Variants in AKAP1 observed in about 807,000 individuals in gnomAD.
AKAP1 encodes the protein A-kinase anchor protein 1, mitochondrial.
AKAP1 carries 32 observed loss-of-function variants against 79.8 expected under a neutral mutation model. The observed-to-expected ratio is 0.40, with a 90% CI of 0.30 to 0.54. The LOEUF (loss-of-function observed/expected upper bound fraction) is 0.54, where lower values mean the gene tolerates loss of function less well. Ranked by LOEUF, AKAP1 falls within the 20% of genes least tolerant of loss-of-function variation. AKAP1 has a pLI of 0.47. For synonymous variants in AKAP1, 416 were observed against 466.7 expected (o/e 0.89, Z 1.40); for missense variants, 961 against 1,138.9 (o/e 0.84, Z 2.25).
intron 1 of AKAP1, among the ~76,000 whole-genome samples, chr17:57,104,223 G>A (rs1244229412): frequency 6.6e-6 from 1 of 152,162 alleles, no homozygotes; most frequent in Non-Finnish European, 1.5e-5. Flanking sequence ...GCTTCCCAAA[G>A]TGCTGGGATT....
At chr17:57,090,325 T>TCTCA (rs56089554) in intron 1 of AKAP1, among the ~76,000 whole-genome samples, 1 of 151,122 alleles carries the variant, frequency 6.6e-6, no homozygotes, top group African/African-American at 2.4e-5. Flanking sequence ...CTTTTTTTTT[T>TCTCA]CTGTGTCATT....
At position 57,114,841 on chromosome 17, in the gene AKAP1, A is replaced by G. The variant is rs112461714; in HGVS notation, c.2281+205A>G. Among the ~76,000 whole-genome samples, 492 of 152,004 alleles carry G rather than the reference A, an allele frequency of 3.2e-3. 3 individuals carry two copies. The highest frequency in any genetic ancestry group is 9.0e-3 in the African/African-American group (375 of 41,446). On this transcript the variant is annotated intron_variant, in intron 6 of 10. Transcript: ENST00000337714. ...CTGGCAGAGTGATGGGTGTTGGAGTAGAGTTTTGACACAGGGATTCAGATC... is the reference window on the plus strand; with the variant it reads ...CTGGCAGAGTGATGGGTGTTGGAGTGGAGTTTTGACACAGGGATTCAGATC...
intron 5 of AKAP1, among the ~76,000 whole-genome samples, chr17:57,113,129 C>T (rs1292435160): frequency 1.3e-5 from 2 of 152,278 alleles, no homozygotes; most frequent in South Asian, 4.1e-4. Flanking sequence ...CCACCAGGCC[C>T]GGAAGTCCAG....
chr17:57,114,784 T>C, intron 6 of AKAP1, 148 bp downstream of exon 6: 1 of 937,522 alleles, frequency 1.1e-6, no homozygotes, highest in Non-Finnish European at 1.6e-6. Flanking sequence ...GGGGTGGGTT[T>C]CCTGGCAAGG....
intron 6 of AKAP1, 116 bp from the exon 7 acceptor site, chr17:57,115,995 A>G: frequency 8.0e-7 from 1 of 1,250,864 alleles, no homozygotes; most frequent in Non-Finnish European, 1.1e-6. Flanking sequence ...TGTCCCCTGC[A>G]CTGTGGAGGT....
chr17:57,102,650 T>C (rs1914596889), intron 1 of AKAP1, among the ~76,000 whole-genome samples: 1 of 151,660 alleles, frequency 6.6e-6, no homozygotes, highest in Non-Finnish European at 1.5e-5. Context: ...TTTTTTTGTA[T>C]TTTTAGTAGA....
chr17:57,090,638 A>C (rs1913731666), intron 1 of AKAP1, among the ~76,000 whole-genome samples: 1 of 152,060 alleles, frequency 6.6e-6, no homozygotes, highest in Non-Finnish European at 1.5e-5. Flanking sequence ...CCTCGTTACA[A>C]CTCTGTGAGG....
intron 8 of AKAP1, 105 bp downstream of exon 8, chr17:57,117,032 G>C: frequency 8.4e-7 from 1 of 1,193,086 alleles, no homozygotes; most frequent in Non-Finnish European, 1.2e-6. Context: ...GCTAACATAA[G>C]TTGCTACCAC....
At chr17:57,113,982 C>T (rs1915418994) in intron 5 of AKAP1, among the ~76,000 whole-genome samples, 1 of 152,132 alleles carries the variant, frequency 6.6e-6, no homozygotes, top group Non-Finnish European at 1.5e-5. Flanking sequence ...GTCTGCCAGT[C>T]CACAGGAGTT....
At chr17:57,099,920 T>C (rs1914379767) in intron 1 of AKAP1, among the ~76,000 whole-genome samples, 1 of 152,134 alleles carries the variant, frequency 6.6e-6, no homozygotes. Context: ...TCTACCTCAC[T>C]GTAGTATAGC....
chr17:57,112,418 C>A lies in AKAP1; in HGVS notation c.1976-73C>A. Reference sequence around the variant, plus strand: ...AAGTCCAGTGGAGTGGGGTCTGTGGCTGTGTTTTTGTGAGTGTGGGTGTGA... The same window carrying A: ...AAGTCCAGTGGAGTGGGGTCTGTGGATGTGTTTTTGTGAGTGTGGGTGTGA... On this transcript the variant is annotated intron_variant, in intron 4 of 10. Transcript: ENST00000337714. 3.2e-6 allele frequency: 5 copies of A among 1,555,860 alleles called. No individual in the cohort carries two copies. In the South Asian group the frequency reaches 6.1e-5, roughly 19 times the overall value.
intron 6 of AKAP1, among the ~76,000 whole-genome samples, chr17:57,114,926 T>C (rs1342960226): frequency 6.6e-6 from 1 of 151,614 alleles, no homozygotes; most frequent in Non-Finnish European, 1.5e-5. Flanking sequence ...TCAAAGCCAG[T>C]GTCATAGTAT....
chr17:57,108,905 C>T (rs1174831306), intron 2 of AKAP1, among the ~76,000 whole-genome samples: 3 of 152,214 alleles, frequency 2.0e-5, no homozygotes, highest in Non-Finnish European at 4.4e-5. Flanking sequence ...CGCCCCCTCG[C>T]CCAGCCCCTG....
chr17:57,106,872 C>T lies in AKAP1; in HGVS notation c.1408C>T (p.Pro470Ser), dbSNP rs754433141. 1 of 1,613,766 alleles carries T rather than the reference C, an allele frequency of 6.2e-7. No individual in the cohort carries two copies. Among genetic ancestry groups the T allele is most frequent in the African/African-American group, 1.3e-5 (1 of 74,914 alleles). The change falls in exon 2 of 11, where the codon CCC becomes TCC. Residue 470 changes from proline (P) to serine (S), a missense_variant. Around this residue, in one of 3 missense-constraint regions of AKAP1, gnomAD observed 629 missense variants for 781.1 expected, o/e 0.81. Coordinates refer to ENST00000337714, the MANE Select transcript of AKAP1 (RefSeq NM_003488.4). Reference sequence around the variant, plus strand: ...GGCCTCCTGCCTGGCACTGACCACCCCCAGTGAAGAGTTGCCGGACCGGGC... The same window carrying T: ...GGCCTCCTGCCTGGCACTGACCACCTCCAGTGAAGAGTTGCCGGACCGGGC... ...SLASCLALTT[P>S]SEELPDRAGI...
rs1015532362 is a variant in AKAP1, at chr17:57,120,890, A to G, written c.*566A>G. On this transcript the variant is annotated 3_prime_UTR_variant, in exon 11 of 11. Transcript: ENST00000337714. ...TTTTTAAATTGCAACTGTAAATATGAAATGGTCATCACATCTGACCTTGGT... is the reference window on the plus strand; with the variant it reads ...TTTTTAAATTGCAACTGTAAATATGGAATGGTCATCACATCTGACCTTGGT... The G allele has an allele frequency of 6.5e-6, 1 of 152,826 alleles. No homozygotes were observed. Among genetic ancestry groups the G allele is most frequent in the Non-Finnish European group, 1.5e-5 (1 of 68,168 alleles). 9.5% of individuals were successfully genotyped at this position (152,826 alleles called of 1,614,324 possible).
At position 57,117,920 on chromosome 17, in the gene AKAP1, G is replaced by A. The variant is rs75676482; in HGVS notation, c.2501-461G>A. 6.7e-3 allele frequency among the ~76,000 whole-genome samples: 1,021 copies of A among 152,294 alleles called. 1 individual carries two copies. The highest frequency in any genetic ancestry group is 9.9e-3 in the Non-Finnish European group (675 of 68,022). On this transcript the variant is annotated intron_variant, in intron 8 of 10. Transcript: ENST00000337714. Reference sequence around the variant, plus strand: ...GCCTTATTGGGCTGTGTGGCCAACTGCCTGGGTTTGATTCCCACCTTCACC... The same window carrying A: ...GCCTTATTGGGCTGTGTGGCCAACTACCTGGGTTTGATTCCCACCTTCACC...
chr17:57,111,046 G>C (rs984683387), intron 3 of AKAP1, among the ~76,000 whole-genome samples: 12 of 152,064 alleles, frequency 7.9e-5, no homozygotes, highest in African/African-American at 2.7e-4. Flanking sequence ...TTTCCTCCCT[G>C]GGGGGCCCTG....
In AKAP1 at chr17:57,106,637, A is replaced by G; in HGVS notation, c.1173A>G (p.Pro391=). Reference sequence around the variant, plus strand: ...GGCAGAAGGAAGAGAGCTGTGTCCCAGTTCACCAGAAAACTGTCTTGGGCC... The same window carrying G: ...GGCAGAAGGAAGAGAGCTGTGTCCCGGTTCACCAGAAAACTGTCTTGGGCC... The part of the protein sequence containing the change: ...LQGQKEESCV[P]VHQKTVLGPD... Residue 391 remains proline, a synonymous_variant, in exon 2 of 11, where the codon CCA becomes CCG. Coordinates refer to ENST00000337714, the MANE Select transcript of AKAP1 (RefSeq NM_003488.4). 6.2e-7 allele frequency: 1 copy of G among 1,614,152 alleles called. No individual in the cohort carries two copies. The highest frequency in any genetic ancestry group is 8.5e-7 in the Non-Finnish European group (1 of 1,180,026).
In AKAP1 at chr17:57,105,905, C is replaced by T. The variant is rs754317643; in HGVS notation, c.441C>T (p.Cys147=). 4 of 1,614,250 alleles carry T rather than the reference C, an allele frequency of 2.5e-6. No homozygotes were observed. The highest frequency in any genetic ancestry group is 1.7e-5 in the Admixed American group (1 of 60,034). The change falls in exon 2 of 11, where the codon TGC becomes TGT. Residue 147 remains cysteine (C), a synonymous_variant. Transcript: ENST00000337714. ...GGEAKSIPLE[C]PLSSPKGVLF... is the part of the protein sequence containing the mutation. ...AAGCCAAATCGATTCCTCTAGAGTGCCCCCTTTCATCCCCAAAGGGTGTAC... is the reference window on the plus strand; with the variant it reads ...AAGCCAAATCGATTCCTCTAGAGTGTCCCCTTTCATCCCCAAAGGGTGTAC...
Sources: gnomAD v4.1 joint callset for allele counts (sites outside exome capture counted in the v4.1 genomes callset) on GRCh38, gnomAD v4.1.1 for gene constraint, gnomAD v4.1.1 regional missense constraint, MANE v1.5 for transcripts, NCBI Gene and HGNC (gene_info 2026-07-23, HGNC 2026-07-21) for gene names.